RPRD2: variants seen among roughly 807,000 people sequenced by gnomAD.
RPRD2 encodes the protein regulation of nuclear pre-mRNA domain containing 2.
RPRD2 carries 12 observed loss-of-function variants against 104.4 expected under a neutral mutation model. The ratio of observed to expected loss-of-function variants is 0.11; its 90% CI spans 0.07 to 0.19. The LOEUF is 0.19. Among genes scored for constraint, RPRD2 ranks in the 10% least tolerant of loss-of-function variants. RPRD2 has a pLI of 1.00. For missense variants in RPRD2, 1,543 were observed against 1,790.1 expected (o/e 0.86, Z 2.49); for synonymous variants, 714 against 684.9 (o/e 1.04, Z -0.66).
chr1:150,413,962 A>G (rs587612385), intron 1 of RPRD2, among the ~76,000 whole-genome samples: 2 of 152,060 alleles, frequency 1.3e-5, no homozygotes, highest in South Asian at 4.2e-4. Context: ...ACATGGTGGC[A>G]TGTGACTGTA....
intron 1 of RPRD2, among the ~76,000 whole-genome samples, chr1:150,414,741 G>T (rs782566407): frequency 6.6e-6 from 1 of 152,048 alleles, no homozygotes; most frequent in Non-Finnish European, 1.5e-5. Flanking sequence ...TGAACTGTTC[G>T]CAACATAAAT....
Position 150,417,725 on chromosome 1 carries a change from A to G in RPRD2, c.335A>G (p.Lys112Arg). The G allele has an allele frequency of 1.9e-6, 3 of 1,594,748 alleles. No individual in the cohort carries two copies. Among genetic ancestry groups the G allele is most frequent in the East Asian group, 2.2e-5 (1 of 44,512 alleles). Residue 112 changes from lysine (K) to arginine (R), a missense_variant and splice_region_variant, in exon 2 of 11, where the codon AAG (lysine) becomes AGG (arginine). Physicochemically the swap from Lys to Arg is conservative, Grantham distance 26. Around this residue, in one of 4 missense-constraint regions of RPRD2, gnomAD observed 572 missense variants for 787.3 expected, o/e 0.73. Transcript: ENST00000369068. ...CTTCCTGAAGCAGCTGCTCTAGTGA[A>G]GTAAGTAAATCTTTATTGCTCTATG... ...DVLPEAAALV[K>R]DPSVSKSVER...
intron 1 of RPRD2, among the ~76,000 whole-genome samples, chr1:150,389,319 G>A (rs1284629926): frequency 2.6e-5 from 4 of 152,152 alleles, no homozygotes; most frequent in Non-Finnish European, 4.4e-5. Context: ...CAAAGTGCTG[G>A]GATTACAGGT....
chr1:150,390,846 G>A (rs1408381850), intron 1 of RPRD2, among the ~76,000 whole-genome samples: 1 of 151,870 alleles, frequency 6.6e-6, no homozygotes, highest in Non-Finnish European at 1.5e-5. Context: ...ATATTTTAAA[G>A]GAATAATGGA....
intron 5 of RPRD2, among the ~76,000 whole-genome samples, 182 bp downstream of exon 5, chr1:150,443,465 CTAATGGTAGAAATAACCTTCT>C (rs1168208225): frequency 6.6e-6 from 1 of 152,156 alleles, no homozygotes; most frequent in Non-Finnish European, 1.5e-5. Flanking sequence ...ATCTGTTCCC[CTAATGGTAGAAATAACCTTCT>C]TCCAGTATAT....
chr1:150,413,744 A>G (rs1473661668), intron 1 of RPRD2, among the ~76,000 whole-genome samples: 1 of 151,528 alleles, frequency 6.6e-6, no homozygotes, highest in Non-Finnish European at 1.5e-5. Flanking sequence ...TGACCAACAT[A>G]GAGAAACCCC....
chr1:150,476,562 T>C lies in RPRD2; in HGVS notation c.*3228T>C, dbSNP rs1668902769. The C allele has an allele frequency of 6.6e-6, 1 of 152,194 alleles. No individual in the cohort carries two copies. The highest frequency in any genetic ancestry group is 1.5e-5 in the Non-Finnish European group (1 of 68,036). The allele number at this position is 152,194 out of a possible 1,614,324, so 9.4% of individuals were successfully genotyped here. On this transcript the variant is annotated 3_prime_UTR_variant, in exon 11 of 11. Coordinates refer to ENST00000369068, the MANE Select transcript of RPRD2 (RefSeq NM_015203.5). ...ATATCGTTTAATAAAATAACTAGTT[T>C]GAAAGGTTTGACATTTTTCTTTGAG...
At chr1:150,402,299 T>G (rs1663096560) in intron 1 of RPRD2, among the ~76,000 whole-genome samples, 1 of 152,172 alleles carries the variant, frequency 6.6e-6, no homozygotes, top group Admixed American at 6.5e-5. Flanking sequence ...CATACCTATC[T>G]TCAGTTCAGC....
intron 7 of RPRD2, among the ~76,000 whole-genome samples, chr1:150,454,950 A>T (rs1667427597): frequency 6.6e-6 from 1 of 152,242 alleles, no homozygotes; most frequent in Non-Finnish European, 1.5e-5. Flanking sequence ...AGATATCTTT[A>T]AGACATTAGC....
Position 150,446,312 on chromosome 1 carries a change from G to C in RPRD2, c.781G>C (p.Val261Leu), listed in dbSNP as rs1553895480. ...EEFVNGLDKQVKNGPSLTEAL... is the reference protein window; with the variant it reads ...EEFVNGLDKQLKNGPSLTEAL... Reference sequence around the variant, plus strand: ...ATTTGTGAATGGATTAGATAAGCAGGTGAAAAACGGACCCTCATTAACAGA... The same window carrying C: ...ATTTGTGAATGGATTAGATAAGCAGCTGAAAAACGGACCCTCATTAACAGA... The change falls in exon 7 of 11, where the codon GTG (valine) becomes CTG (leucine). Residue 261 changes from valine to leucine, a missense_variant. Physicochemically the swap from Val to Leu is conservative, Grantham distance 32 (BLOSUM62 1). Around this residue, in one of 4 missense-constraint regions of RPRD2, gnomAD observed 572 missense variants for 787.3 expected, o/e 0.73. Coordinates refer to ENST00000369068, the MANE Select transcript of RPRD2 (RefSeq NM_015203.5). The C allele has an allele frequency of 6.2e-7, 1 of 1,612,690 alleles. No homozygotes were observed. The highest frequency in any genetic ancestry group is 1.3e-5 in the African/African-American group (1 of 74,872).
At chr1:150,389,954 C>G (rs1323895096) in intron 1 of RPRD2, among the ~76,000 whole-genome samples, 1 of 152,162 alleles carries the variant, frequency 6.6e-6, no homozygotes, top group East Asian at 1.9e-4. Context: ...TGAAAAGCCC[C>G]TTGAGAAAGA....
intron 7 of RPRD2, among the ~76,000 whole-genome samples, chr1:150,450,890 C>T (rs1053072347): frequency 3.9e-5 from 6 of 152,016 alleles, no homozygotes; most frequent in African/African-American, 1.2e-4. Context: ...GGATTACAGG[C>T]GTGAGCCACC....
intron 2 of RPRD2, among the ~76,000 whole-genome samples, chr1:150,437,848 A>G (rs1314260402): frequency 6.6e-6 from 1 of 151,952 alleles, no homozygotes; most frequent in African/African-American, 2.4e-5. Context: ...CCAAAGTGCT[A>G]GAACTGCAGG....
chr1:150,461,508 A>G (rs1304289864), intron 9 of RPRD2, among the ~76,000 whole-genome samples: 1 of 152,110 alleles, frequency 6.6e-6, no homozygotes, highest in Non-Finnish European at 1.5e-5. Context: ...AACTTATCTA[A>G]TCCTTTATTA....
rs1668705714 is a variant in RPRD2 at position 150,473,067 on chromosome 1, C to T, written c.4119C>T (p.Ser1373=). The change falls in exon 11 of 11, where the codon TCC becomes TCT. Residue 1373 remains serine (S), a synonymous_variant. Transcript: ENST00000369068. The part of the protein sequence containing the change: ...SRVRESLTLP[S]HSLEHLGPPH... ...TACGAGAGAGCCTCACCCTACCCTC[C>T]CATTCTCTGGAACACCTGGGCCCAC... 2 of 1,613,916 alleles carry T rather than the reference C, an allele frequency of 1.2e-6. No individual in the cohort carries two copies. The highest frequency in any genetic ancestry group is 1.3e-5 in the African/African-American group (1 of 74,950).
chr1:150,402,982 C>CAAAAAAA, intron 1 of RPRD2, among the ~76,000 whole-genome samples: 1 of 150,346 alleles, frequency 6.7e-6, no homozygotes. Flanking sequence ...AAAACAAAAA[C>CAAAAAAA]AAAAAAGATC....
chr1:150,446,032 C>T (rs1407943266), intron 6 of RPRD2, among the ~76,000 whole-genome samples, 194 bp from the exon 7 acceptor site: 1 of 144,856 alleles, frequency 6.9e-6, no homozygotes, highest in African/African-American at 2.6e-5. Flanking sequence ...CGCGCCACTG[C>T]ACTCTAGCCT....
At chr1:150,453,864 A>G (rs1553897105) in intron 7 of RPRD2, among the ~76,000 whole-genome samples, 1 of 152,154 alleles carries the variant, frequency 6.6e-6, no homozygotes, top group Non-Finnish European at 1.5e-5. Flanking sequence ...CTAGGCAGAT[A>G]TTGAGGCTGG....
At chr1:150,415,309 G>A (rs1383452350) in intron 1 of RPRD2, among the ~76,000 whole-genome samples, 1 of 151,320 alleles carries the variant, frequency 6.6e-6, no homozygotes, top group African/African-American at 2.4e-5. Context: ...TCTAGCCTGG[G>A]CGACGAGTGA....
Sources: gnomAD v4.1 joint callset for allele counts (sites outside exome capture counted in the v4.1 genomes callset) on GRCh38, gnomAD v4.1.1 for gene constraint, gnomAD v4.1.1 regional missense constraint, MANE v1.5 for transcripts, NCBI Gene and HGNC (gene_info 2026-07-23, HGNC 2026-07-21) for gene names.